ERICH1: variants seen among roughly 807,000 people sequenced by gnomAD.
The protein encoded by ERICH1 is glutamate-rich protein 1.
Under a neutral mutation model 39.6 loss-of-function variants are expected in ERICH1, and 56 were observed. The ratio of observed to expected loss-of-function variants is 1.41; its 90% CI spans 1.14 to 1.77. The LOEUF (loss-of-function observed/expected upper bound fraction) is 1.77. Among genes scored for constraint, ERICH1 ranks in the 40% most tolerant of loss-of-function variants. The pLI is 0.00. For synonymous variants in ERICH1, 313 were observed against 223.6 expected, an observed-to-expected ratio of 1.40 and a Z score of -3.57; for missense variants, 826 against 575.4, an observed-to-expected ratio of 1.44 and a Z score of -4.45.
chr8:682,412 C>T (rs150431309), intron 3 of ERICH1, among the ~76,000 whole-genome samples: 5 of 152,332 alleles, frequency 3.3e-5, no homozygotes, highest in African/African-American at 1.2e-4. Context: ...CTCTGGCGTC[C>T]TGGTGGCTCT....
rs1364451147 is a variant in ERICH1, at chr8:652,723, C to G, written c.976+15875G>C. ...GCTACTTGGAGAGACCAGGGGCACA[C>G]AGCTCATCTGATGTAGAACTGGTTT... On this transcript the variant is annotated intron_variant, in intron 3 of 3. Transcript: ENST00000522706. Among the ~76,000 whole-genome samples, 6 of 152,294 alleles carry G rather than the reference C, an allele frequency of 3.9e-5. No individual in the cohort carries two copies. The East Asian group carries it at 1.2e-3, about 29-fold the overall frequency.
At chr8:649,607 G>A (rs1799678457) in intron 3 of ERICH1, among the ~76,000 whole-genome samples, 1 of 152,104 alleles carries the variant, frequency 6.6e-6, no homozygotes, top group Admixed American at 6.5e-5. Context: ...TCGGGGGAGG[G>A]GGATTGGGGT....
At chr8:697,794 A>G (rs1810690451) in intron 2 of ERICH1, among the ~76,000 whole-genome samples, 1 of 151,972 alleles carries the variant, frequency 6.6e-6, no homozygotes, top group Non-Finnish European at 1.5e-5. Context: ...CGGGACATGC[A>G]GCAGCAGCAG....
rs1801850474 is a variant in ERICH1, at chr8:664,224, C to T, written c.*379G>A. 31 of 991,810 alleles carry T rather than the reference C, an allele frequency of 3.1e-5. No individual in the cohort carries two copies. The highest frequency in any genetic ancestry group is 3.5e-5 in the African/African-American group (2 of 57,460). 61.4% of individuals were successfully genotyped at this position (991,810 alleles called of 1,614,324 possible). A position where few individuals can be genotyped will look rare whatever the true frequency, so the allele number is the denominator to read the frequency against. On this transcript the variant is annotated 3_prime_UTR_variant, in exon 6 of 6. Coordinates refer to ENST00000262109, the MANE Select transcript of ERICH1 (RefSeq NM_207332.3). ...CTACTTAAACTAGAACATTTTAATA[C>T]CCAGAAAGCATTCTTAAAGCAGAGA...
At chr8:627,032 C>A in intron 3 of ERICH1, 1 of 444,386 alleles carries the variant, frequency 2.3e-6, no homozygotes. Flanking sequence ...CCGACACTCC[C>A]TTCTGTCTCC....
At chr8:652,756 C>T (rs1800135311) in intron 3 of ERICH1, among the ~76,000 whole-genome samples, 1 of 152,138 alleles carries the variant, frequency 6.6e-6, no homozygotes, top group African/African-American at 2.4e-5. Context: ...TTTATAAAAA[C>T]TGTGATAAAC....
chr8:714,732 G>T (rs1249922536), intron 2 of ERICH1, among the ~76,000 whole-genome samples: 9 of 103,622 alleles, frequency 8.7e-5, no homozygotes, highest in Non-Finnish European at 1.2e-4. Context: ...CACCCAGGCG[G>T]CCTCTTCCGG....
At chr8:631,050 C>G (rs1458227100) in intron 3 of ERICH1, among the ~76,000 whole-genome samples, 1 of 151,666 alleles carries the variant, frequency 6.6e-6, no homozygotes, top group African/African-American at 2.4e-5. Context: ...ACCCACCACC[C>G]ACATTGACAG....
intron 1 of ERICH1, among the ~76,000 whole-genome samples, chr8:721,727 C>T (rs1013994366): frequency 3.3e-5 from 5 of 152,226 alleles, no homozygotes; most frequent in African/African-American, 1.2e-4. Flanking sequence ...GCCAGCTCTA[C>T]TTCGCGACTA....
chr8:679,308 G>A (rs967681045), intron 3 of ERICH1, among the ~76,000 whole-genome samples: 47 of 128,088 alleles, frequency 3.7e-4, no homozygotes, highest in African/African-American at 1.2e-3. Flanking sequence ...GACCCCTCAC[G>A]GCTTCCACCC....
intron 3 of ERICH1, among the ~76,000 whole-genome samples, chr8:634,563 G>T (rs1046781235): frequency 1.3e-5 from 2 of 152,232 alleles, no homozygotes; most frequent in African/African-American, 4.8e-5. Flanking sequence ...CAGCAGGTTT[G>T]CTTGCGGCTC....
At chr8:724,972 G>A (rs1366918344) in intron 1 of ERICH1, among the ~76,000 whole-genome samples, 1 of 152,186 alleles carries the variant, frequency 6.6e-6, no homozygotes, top group Non-Finnish European at 1.5e-5. Context: ...CAGCCACGAA[G>A]GACCATGTGG....
chr8:632,410 A>G (rs556524497), intron 3 of ERICH1, among the ~76,000 whole-genome samples: 1 of 152,364 alleles, frequency 6.6e-6, no homozygotes, highest in Admixed American at 6.5e-5. Flanking sequence ...AGAAAGTGAA[A>G]GATCAAATAG....
At chr8:725,683 C>T (rs58523286) in intron 1 of ERICH1, 11,902 of 153,034 alleles carry the variant, frequency 0.078, 552 homozygotes, top group Admixed American at 0.096. Context: ...TTCATCCCCA[C>T]GTGCTCTGGC....
chr8:630,143 C>T, intron 3 of ERICH1, among the ~76,000 whole-genome samples: 1 of 130,192 alleles, frequency 7.7e-6, no homozygotes, highest in Non-Finnish European at 1.6e-5. Context: ...AGCTGACTCA[C>T]ACCCTCCCGT....
At chr8:691,028 AG>A (rs1298611648) in intron 3 of ERICH1, 1 of 152,276 alleles carries the variant, frequency 6.6e-6, no homozygotes, top group Non-Finnish European at 1.5e-5. Flanking sequence ...CTGGCTCCTG[AG>A]GGCCCTGGAG....
At chr8:695,833 C>T (rs62484177) in intron 2 of ERICH1, among the ~76,000 whole-genome samples, 10,125 of 24,856 alleles carry the variant, frequency 0.41, 1,058 homozygotes, top group East Asian at 0.58. Flanking sequence ...TTCCTCTCCT[C>T]CCTCCCCATC....
chr8:714,814 G>A (rs963861781), intron 2 of ERICH1, among the ~76,000 whole-genome samples: 8 of 151,906 alleles, frequency 5.3e-5, no homozygotes, highest in Non-Finnish European at 1.2e-4. Context: ...GCTGCACCCA[G>A]ATGTTCTCAT....
chr8:713,854 C>A (rs1040422323), intron 2 of ERICH1, among the ~76,000 whole-genome samples: 1 of 152,174 alleles, frequency 6.6e-6, no homozygotes, highest in Non-Finnish European at 1.5e-5. Context: ...CAAACACGAA[C>A]GAGACCCCCA....
Sources: gnomAD v4.1 joint callset for allele counts (sites outside exome capture counted in the v4.1 genomes callset) on GRCh38, gnomAD v4.1.1 for gene constraint, MANE v1.5 for transcripts, NCBI Gene and HGNC (gene_info 2026-07-23, HGNC 2026-07-21) for gene names.